ZNF385D: variants seen among roughly 807,000 people sequenced by gnomAD.
ZNF385D encodes the protein zinc finger protein 385D, also known as zinc finger protein 659.
In ZNF385D, 15 loss-of-function variants were observed where a neutral mutation model predicts 35.8. That is an observed-to-expected ratio of 0.42 (90% CI 0.28 to 0.64). The LOEUF (loss-of-function observed/expected upper bound fraction) is 0.64. Ranked by LOEUF, ZNF385D falls within the 30% of genes least tolerant of loss-of-function variation. The pLI is 0.23. For missense variants in ZNF385D, 474 were observed against 494.6 expected, an observed-to-expected ratio of 0.96 and a Z score of 0.39; for synonymous variants, 212 against 186.8, an observed-to-expected ratio of 1.13 and a Z score of -1.10.
At chr3:21,709,902 A>G (rs568496229) in intron 1 of ZNF385D, among the ~76,000 whole-genome samples, 1 of 152,326 alleles carries the variant, frequency 6.6e-6, no homozygotes, top group African/African-American at 2.4e-5. Context: ...CTGTCCTTCA[A>G]TGAAGTGAAC....
intron 3 of ZNF385D, among the ~76,000 whole-genome samples, chr3:21,785,539 T>C (rs934158098): frequency 1.3e-5 from 2 of 152,208 alleles, no homozygotes; most frequent in African/African-American, 4.8e-5. Flanking sequence ...TTTGTACCCT[T>C]TAACCATCAC....
At chr3:21,629,825 C>T (rs2065231844) in intron 2 of ZNF385D, among the ~76,000 whole-genome samples, 1 of 152,130 alleles carries the variant, frequency 6.6e-6, no homozygotes, top group Admixed American at 6.5e-5. Flanking sequence ...AAAACTGGAA[C>T]ACACTGGACT....
At chr3:22,114,449 TC>T (rs1208890688) in intron 3 of ZNF385D, among the ~76,000 whole-genome samples, 2 of 152,088 alleles carry the variant, frequency 1.3e-5, no homozygotes, top group African/African-American at 4.8e-5. Flanking sequence ...CATTGTGTTT[TC>T]CCAGAAATAA....
chr3:22,199,825 C>T (rs567625541), intron 2 of ZNF385D, among the ~76,000 whole-genome samples: 26 of 151,936 alleles, frequency 1.7e-4, no homozygotes, highest in African/African-American at 2.9e-4. Context: ...GTGGTGTATA[C>T]GTAAAATTTA....
At chr3:21,503,728 A>G (rs944743228) in intron 4 of ZNF385D, among the ~76,000 whole-genome samples, 1 of 152,144 alleles carries the variant, frequency 6.6e-6, no homozygotes, top group African/African-American at 2.4e-5. Flanking sequence ...TTTGTTTTCA[A>G]TCACTGGCCA....
chr3:21,454,626 C>G (rs1473397967), intron 4 of ZNF385D, among the ~76,000 whole-genome samples: 2 of 152,082 alleles, frequency 1.3e-5, no homozygotes, highest in African/African-American at 4.8e-5. Context: ...AACCCACAGC[C>G]AATATCATAC....
At chr3:21,909,100 G>A (rs17010073) in intron 3 of ZNF385D, among the ~76,000 whole-genome samples, 12,853 of 151,960 alleles carry the variant, frequency 0.085, 680 homozygotes, top group South Asian at 0.21. Flanking sequence ...GATAGCACTA[G>A]GGTTGAAAAC....
At position 22,195,842 on chromosome 3, in the gene ZNF385D, A is replaced by G. The variant is rs369037829; in HGVS notation, c.107-26807T>C. 1.8e-3 allele frequency among the ~76,000 whole-genome samples: 279 copies of G among 152,224 alleles called. 2 individuals carry two copies. The highest frequency in any genetic ancestry group is 6.4e-3 in the African/African-American group (265 of 41,576). On this transcript the variant is annotated intron_variant, in intron 2 of 5. Transcript: ENST00000494108. ...ATACACCATGAAATATTATACAGCC[A>G]TAAAAAAGAACAAGATCATGTTCTT...
chr3:21,987,902 A>G (rs374139119), intron 3 of ZNF385D, among the ~76,000 whole-genome samples: 14 of 143,590 alleles, frequency 9.7e-5, no homozygotes, highest in South Asian at 2.5e-4. Flanking sequence ...TTCCCTTCTC[A>G]CTTCATTTCA....
intron 3 of ZNF385D, among the ~76,000 whole-genome samples, chr3:21,961,063 A>G (rs1342515632): frequency 6.6e-6 from 1 of 152,066 alleles, no homozygotes; most frequent in Non-Finnish European, 1.5e-5. Context: ...GCTACAAGAG[A>G]AGATTTTTGA....
intron 4 of ZNF385D, among the ~76,000 whole-genome samples, chr3:21,440,271 T>A (rs1701791574): frequency 6.6e-6 from 1 of 152,130 alleles, no homozygotes; most frequent in South Asian, 2.1e-4. Context: ...AAATGAATGA[T>A]AATGTTAACA....
Position 21,682,236 on chromosome 3 carries a change from G to T in ZNF385D, c.23-17208C>A, listed in dbSNP as rs1027340373. On this transcript the variant is annotated intron_variant, in intron 1 of 7. Transcript: ENST00000281523. ...AGTTTAGCTTTGTCCTTTTAAGTTA[G>T]AAGCCAGAAAGATTGGCTAAGTATG... Among the ~76,000 whole-genome samples, 8 of 132,876 alleles carry T rather than the reference G, an allele frequency of 6.0e-5. 1 individual carries two copies. The highest frequency in any genetic ancestry group is 8.4e-5 in the Non-Finnish European group (5 of 59,370). The allele number at this position is 132,876 out of a possible 152,430, so 87.2% of individuals were successfully genotyped here. A position where few individuals can be genotyped will look rare whatever the true frequency, so the allele number is the denominator to read the frequency against.
In ZNF385D at chr3:22,242,474, C is replaced by T. The variant is rs1281544832; in HGVS notation, c.107-73439G>A. Among the ~76,000 whole-genome samples the T allele has an allele frequency of 2.0e-5, 3 of 150,718 alleles. No individual in the cohort carries two copies. The East Asian group carries it at 5.9e-4, about 29-fold the overall frequency. ...ACCCTGAAATGAAGCCATGAAAAGG[C>T]CACTTGGTATTTTTCCCCGAAATCA... On this transcript the variant is annotated intron_variant, in intron 2 of 5. Coordinates refer to the ZNF385D transcript ENST00000494108.
At chr3:22,100,659 G>C (rs933812123) in intron 3 of ZNF385D, among the ~76,000 whole-genome samples, 33 of 136,518 alleles carry the variant, frequency 2.4e-4, no homozygotes, top group Non-Finnish European at 3.2e-4. Flanking sequence ...ACAGGAAGGG[G>C]AACATCACAC....
chr3:22,093,215 CTT>C (rs1483075815), intron 3 of ZNF385D, among the ~76,000 whole-genome samples: 1 of 152,032 alleles, frequency 6.6e-6, no homozygotes, highest in Non-Finnish European at 1.5e-5. Context: ...AGACTACTGA[CTT>C]TACTATTTTT....
intron 3 of ZNF385D, among the ~76,000 whole-genome samples, chr3:21,902,889 C>T (rs1699482514): frequency 6.6e-6 from 1 of 152,114 alleles, no homozygotes; most frequent in Admixed American, 6.6e-5. Context: ...GTAGGAGTAA[C>T]TGGCTGCTTT....
At chr3:22,125,285 T>G (rs1165348016) in intron 3 of ZNF385D, among the ~76,000 whole-genome samples, 1 of 152,154 alleles carries the variant, frequency 6.6e-6, no homozygotes, top group Non-Finnish European at 1.5e-5. Flanking sequence ...CATCTGTTTT[T>G]AAGTCAGTGG....
intron 3 of ZNF385D, among the ~76,000 whole-genome samples, chr3:22,078,726 T>C (rs190268801): frequency 1.3e-3 from 192 of 152,178 alleles, no homozygotes; most frequent in African/African-American, 4.3e-3. Context: ...GTATCATAAG[T>C]ATTGGCAAGT....
intron 3 of ZNF385D, among the ~76,000 whole-genome samples, chr3:21,858,694 T>C (rs1177271726): frequency 6.6e-6 from 1 of 152,114 alleles, no homozygotes; most frequent in Non-Finnish European, 1.5e-5. Context: ...AACTACTCAG[T>C]TTTATGATAG....
Sources: gnomAD v4.1 joint callset for allele counts (sites outside exome capture counted in the v4.1 genomes callset) on GRCh38, gnomAD v4.1.1 for gene constraint, MANE v1.5 for transcripts, NCBI Gene and HGNC (gene_info 2026-07-23, HGNC 2026-07-21) for gene names.